The following SCNN1B variants were observed in gnomAD, a reference collection of about 807,000 sequenced individuals.
SCNN1B encodes epithelial sodium channel subunit beta.
SCNN1B carries 46 observed loss-of-function variants against 65.3 expected under a neutral mutation model. That is an observed-to-expected ratio of 0.70 (90% CI 0.56 to 0.90). The LOEUF is 0.90. Among genes scored for constraint, SCNN1B ranks in the 40% least tolerant of loss-of-function variants. The probability of loss-of-function intolerance (pLI) is 0.00; values close to 1 mark genes in which losing one functional copy is unlikely to be tolerated. For synonymous variants in SCNN1B, 349 were observed against 330.6 expected, an observed-to-expected ratio of 1.06 and a Z score of -0.60; for missense variants, 751 against 830.5, an observed-to-expected ratio of 0.90 and a Z score of 1.18.
chr16:23,368,065 C>T, intron 5 of SCNN1B, 106 bp downstream of exon 5: 3 of 912,098 alleles, frequency 3.3e-6, no homozygotes, highest in Non-Finnish European at 5.5e-6. Context: ...GAGGGGGGAC[C>T]AAGGCATCAA....
chr16:23,306,255 A>C (rs1023949138), intron 1 of SCNN1B, among the ~76,000 whole-genome samples: 16 of 152,094 alleles, frequency 1.1e-4, no homozygotes, highest in African/African-American at 3.4e-4. Context: ...AAAAAAAAAA[A>C]ACCTATGTTT....
At chr16:23,304,789 C>A (rs1252423881) in intron 1 of SCNN1B, among the ~76,000 whole-genome samples, 1 of 152,160 alleles carries the variant, frequency 6.6e-6, no homozygotes, top group African/African-American at 2.4e-5. Context: ...CCCAGCTTCA[C>A]CCCTTCCTAG....
intron 4 of SCNN1B, among the ~76,000 whole-genome samples, chr16:23,357,860 A>T (rs376654050): frequency 2.1e-3 from 320 of 151,420 alleles, no homozygotes; most frequent in Non-Finnish European, 3.9e-3. Context: ...CGCCAACCAC[A>T]CCTGCCATAA....
intron 1 of SCNN1B, among the ~76,000 whole-genome samples, chr16:23,322,647 G>A (rs952747403): frequency 6.6e-6 from 1 of 151,940 alleles, no homozygotes; most frequent in African/African-American, 2.4e-5. Flanking sequence ...ATTTTAAAAA[G>A]TAAAAATAAA....
At chr16:23,374,388 A>G (rs1044444442) in intron 7 of SCNN1B, among the ~76,000 whole-genome samples, 1 of 151,250 alleles carries the variant, frequency 6.6e-6, no homozygotes, top group Non-Finnish European at 1.5e-5. Flanking sequence ...AGCCTGGCCA[A>G]CATAGTGAAA....
intron 1 of SCNN1B, among the ~76,000 whole-genome samples, chr16:23,302,716 C>T (rs866489888): frequency 3.9e-5 from 6 of 152,136 alleles, no homozygotes; most frequent in African/African-American, 1.4e-4. Context: ...TCAGAGACGG[C>T]GGCAAAGTCC....
chr16:23,377,417 C>T (rs746344097), intron 10 of SCNN1B, 31 bp downstream of exon 10: 1 of 1,611,716 alleles, frequency 6.2e-7, no homozygotes, highest in Non-Finnish European at 8.5e-7. Flanking sequence ...GCTCCTGGCT[C>T]CCACCTTTGG....
At position 23,348,567 on chromosome 16, in the gene SCNN1B, T is replaced by C. The variant is rs747990306; in HGVS notation, c.-8-25T>C. 61 of 1,610,292 alleles carry C rather than the reference T, an allele frequency of 3.8e-5. No homozygotes were observed. Among genetic ancestry groups the C allele is most frequent in the Non-Finnish European group, 5.1e-5 (60 of 1,178,852 alleles). On this transcript the variant is annotated intron_variant, in intron 1 of 12. Transcript: ENST00000343070. This position sits in a 1 kb window ranked among gnomAD's most constrained non-coding sequence, Gnocchi z 4.5. ...CAGGCAAGGCTGGTGTCCCAGCTGA[T>C]GTGCGTCCCCATGCCTCTCTGCAGG... is the stretch of plus-strand genomic sequence containing the variant.
At chr16:23,292,881 G>A (rs865815208) in intron 2 of SCNN1B, among the ~76,000 whole-genome samples, 23 of 151,226 alleles carry the variant, frequency 1.5e-4, no homozygotes, top group East Asian at 8.0e-4. Flanking sequence ...TTGGGAGCCC[G>A]AGGTGGGTGG....
intron 1 of SCNN1B, among the ~76,000 whole-genome samples, chr16:23,333,204 AG>A (rs1272109999): frequency 4.2e-4 from 39 of 92,404 alleles, no homozygotes; most frequent in Admixed American, 2.6e-3. Flanking sequence ...GAAGGAAGGA[AG>A]GAAGGAAGAA....
intron 1 of SCNN1B, among the ~76,000 whole-genome samples, chr16:23,329,041 C>T (rs1342267947): frequency 6.6e-6 from 1 of 152,064 alleles, no homozygotes; most frequent in Admixed American, 6.6e-5. Context: ...CTCAAGCGAT[C>T]TTCCAACCTC....
chr16:23,325,129 C>G (rs1961666822), intron 1 of SCNN1B, among the ~76,000 whole-genome samples: 1 of 152,192 alleles, frequency 6.6e-6, no homozygotes, highest in South Asian at 2.1e-4. Context: ...TCTGAAATCC[C>G]TCTTTGGTTC....
intron 1 of SCNN1B, among the ~76,000 whole-genome samples, chr16:23,302,786 G>T (rs1961113572): frequency 6.6e-6 from 1 of 152,174 alleles, no homozygotes; most frequent in Non-Finnish European, 1.5e-5. Flanking sequence ...AAACTCGAGA[G>T]CGCTTTCTAC....
chr16:23,336,267 C>G (rs1038838179), intron 1 of SCNN1B, among the ~76,000 whole-genome samples: 1 of 152,172 alleles, frequency 6.6e-6, no homozygotes, highest in Non-Finnish European at 1.5e-5. Flanking sequence ...TGAAGCCACA[C>G]CAGGAAATGC....
Position 23,353,008 on chromosome 16 carries a change from C to T in SCNN1B, c.519C>T (p.Gly173=). 6.2e-7 allele frequency: 1 copy of T among 1,614,170 alleles called. No individual in the cohort carries two copies. The change falls in exon 3 of 13, where the codon GGC becomes GGT. Residue 173 remains glycine (G), a synonymous_variant. Coordinates refer to ENST00000343070, the MANE Select transcript of SCNN1B (RefSeq NM_000336.3). ...ATCTCTTTGGAGACAACCACAATGG[C>T]TTAACAAGCAGCTCAGCATCAGAAA... ...VLDLFGDNHN[G]LTSSSASEKI...
At chr16:23,300,456 A>G (rs1203729435), upstream of SCNN1B, among the ~76,000 whole-genome samples, 3 of 152,180 alleles carry the variant, frequency 2.0e-5, no homozygotes, top group Admixed American at 6.5e-5. Flanking sequence ...GAATACGAGA[A>G]TCCAGCTGTC....
intron 1 of SCNN1B, among the ~76,000 whole-genome samples, chr16:23,333,371 T>C (rs1053120366): frequency 2.6e-5 from 4 of 152,186 alleles, no homozygotes; most frequent in Non-Finnish European, 5.9e-5. Flanking sequence ...GGGATTTCCC[T>C]GCCAGGGAGT....
intron 1 of SCNN1B, among the ~76,000 whole-genome samples, chr16:23,281,470 A>T (rs1014024613): frequency 5.9e-5 from 9 of 152,186 alleles, no homozygotes; most frequent in African/African-American, 2.2e-4. Context: ...GAATAAGTTA[A>T]GACTCTGGTA....
At chr16:23,283,759 G>T (rs1960814479) in exon 2 of SCNN1B, 1 of 152,200 alleles carries the variant, frequency 6.6e-6, no homozygotes, top group African/African-American at 2.4e-5. Flanking sequence ...GCCGGAGATG[G>T]TGAAGCAATC....
Sources: gnomAD v4.1 joint callset for allele counts (sites outside exome capture counted in the v4.1 genomes callset) on GRCh38, gnomAD v4.1.1 for gene constraint, Gnocchi (gnomAD v3.1) non-coding constraint, MANE v1.5 for transcripts, NCBI Gene and HGNC (gene_info 2026-07-23, HGNC 2026-07-21) for gene names.